Variants in GFRA1 observed in about 807,000 individuals in gnomAD.
GFRA1 encodes the protein GDNF family receptor alpha-1.
GFRA1 carries 16 observed loss-of-function variants against 51.6 expected under a neutral mutation model. The observed-to-expected ratio is 0.31, with a 90% CI of 0.21 to 0.47. The LOEUF (loss-of-function observed/expected upper bound fraction) is 0.47, where lower values mean the gene tolerates loss of function less well. Ranked by LOEUF, GFRA1 falls within the 20% of genes least tolerant of loss-of-function variation. The probability of loss-of-function intolerance (pLI) is 1.00; values close to 1 mark genes in which losing one functional copy is unlikely to be tolerated. For synonymous variants in GFRA1, 270 were observed against 241.3 expected (o/e 1.12, Z -1.10); for missense variants, 530 against 594.3 (o/e 0.89, Z 1.13).
Position 116,125,522 on chromosome 10 carries a change from C to A in GFRA1, c.469G>T (p.Ala157Ser). ...HIPKGNNCLD[A>S]AKACNLDDIC... ...TCGTCGAGGTTGCAGGCCTTCGCTG[C>A]ATCCAGGCAGTTGTTCCCTTTGGGA... Residue 157 changes from alanine to serine, a missense_variant, in exon 6 of 11, where the codon GCA becomes TCA. By Grantham distance (99) the Ala-to-Ser change is moderately conservative. Transcript: ENST00000355422. 6.2e-7 allele frequency: 1 copy of A among 1,614,106 alleles called. No individual in the cohort carries two copies. Among genetic ancestry groups the A allele is most frequent in the Non-Finnish European group, 8.5e-7 (1 of 1,180,004 alleles).
intron 6 of GFRA1, among the ~76,000 whole-genome samples, chr10:116,124,063 C>T (rs114475346): frequency 0.015 from 2,309 of 152,132 alleles, 59 homozygotes; most frequent in African/African-American, 0.053. Flanking sequence ...CACTACCACG[C>T]CTGGCTATTG....
At chr10:116,107,863 T>C (rs891243917) in intron 6 of GFRA1, among the ~76,000 whole-genome samples, 5 of 152,186 alleles carry the variant, frequency 3.3e-5, no homozygotes, top group Non-Finnish European at 7.3e-5. Flanking sequence ...TCTTTGGAGG[T>C]TCCCAGAATA....
chr10:116,206,121 A>G (rs1964735711), intron 5 of GFRA1, among the ~76,000 whole-genome samples: 1 of 152,164 alleles, frequency 6.6e-6, no homozygotes, highest in South Asian at 2.1e-4. Flanking sequence ...TTTCCACCAT[A>G]AAAGTGTTCA....
Position 116,064,520 on chromosome 10 carries a change from C to G in GFRA1, c.1276G>C (p.Gly426Arg). The change falls in exon 11 of 11, where the codon GGT (glycine) becomes CGT (arginine). Residue 426 changes from glycine (G) to arginine (R), a missense_variant. Transcript: ENST00000355422. ...SNGNYEKEGL[G>R]ASSHITTKSM... ...TTTGTGGTTATGTGGCTGGAAGCAC[C>G]GAGACCTTCTTTTTCATAATTACCC... The G allele has an allele frequency of 1.2e-6, 2 of 1,613,284 alleles. No homozygotes were observed. The highest frequency in any genetic ancestry group is 1.7e-6 in the Non-Finnish European group (2 of 1,179,518).
At chr10:116,256,441 C>T (rs1968863344) in intron 4 of GFRA1, among the ~76,000 whole-genome samples, 1 of 152,176 alleles carries the variant, frequency 6.6e-6, no homozygotes, top group African/African-American at 2.4e-5. Flanking sequence ...CTAAAAAGGG[C>T]AGCACCACCT....
intron 4 of GFRA1, among the ~76,000 whole-genome samples, chr10:116,267,761 C>T (rs11197615): frequency 0.066 from 10,115 of 152,176 alleles, 531 homozygotes; most frequent in East Asian, 0.28. Context: ...TGGTCACATA[C>T]GTTTGTCTGT....
chr10:116,233,976 T>G (rs1966838844), intron 4 of GFRA1, among the ~76,000 whole-genome samples: 1 of 152,204 alleles, frequency 6.6e-6, no homozygotes, highest in Non-Finnish European at 1.5e-5. Context: ...ATCAATTCAC[T>G]TTTGGATATG....
intron 10 of GFRA1, among the ~76,000 whole-genome samples, chr10:116,065,314 CAG>C (rs996159149): frequency 6.6e-6 from 1 of 152,174 alleles, no homozygotes; most frequent in African/African-American, 2.4e-5. Flanking sequence ...ACTGTGATCA[CAG>C]AGAGGCTCAG....
In GFRA1 at chr10:116,162,357, T is replaced by A. The variant is rs769434093; in HGVS notation, c.434-36800A>T. Among the ~76,000 whole-genome samples, 99 of 152,186 alleles carry A rather than the reference T, an allele frequency of 6.5e-4. 1 individual carries two copies. The highest frequency in any genetic ancestry group is 1.8e-4 in the Non-Finnish European group (12 of 68,042). On this transcript the variant is annotated intron_variant, in intron 5 of 10. Coordinates refer to ENST00000355422, the MANE Select transcript of GFRA1 (RefSeq NM_005264.8). ...AGTCTCAGAGTCCAGGGGATGTATC[T>A]CGCCACAGGCCAAAGCCATGTTAAT...
At chr10:116,085,292 T>C (rs1382850240) in intron 9 of GFRA1, among the ~76,000 whole-genome samples, 1 of 152,216 alleles carries the variant, frequency 6.6e-6, no homozygotes, top group African/African-American at 2.4e-5. Flanking sequence ...CTATCTCAAA[T>C]GTTAAGACTG....
intron 4 of GFRA1, among the ~76,000 whole-genome samples, chr10:116,224,044 A>G (rs1263858607): frequency 6.6e-6 from 1 of 152,188 alleles, no homozygotes; most frequent in East Asian, 1.9e-4. Flanking sequence ...TCACTAGGCA[A>G]TCGAACCTGC....
intron 8 of GFRA1, among the ~76,000 whole-genome samples, chr10:116,092,095 G>A (rs370195417): frequency 6.9e-4 from 25 of 36,078 alleles, no homozygotes; most frequent in Admixed American, 2.2e-3. Flanking sequence ...ACATACATAC[G>A]TACACACACA....
Position 116,220,162 on chromosome 10 carries a change from T to C in GFRA1, c.419-8517A>G, listed in dbSNP as rs73372484. Among the ~76,000 whole-genome samples, 599 of 152,354 alleles carry C rather than the reference T, an allele frequency of 3.9e-3. 3 individuals are homozygous for C. Among genetic ancestry groups the C allele is most frequent in the African/African-American group, 0.013 (525 of 41,586 alleles). On this transcript the variant is annotated intron_variant, in intron 4 of 10. Transcript: ENST00000355422. ...CCACAAACACATCCATAATACAGCC[T>C]GTGATTTCAAATTTATTCCAAGATA...
chr10:116,238,019 A>G (rs1439045729), intron 4 of GFRA1, among the ~76,000 whole-genome samples: 1 of 152,180 alleles, frequency 6.6e-6, no homozygotes, highest in African/African-American at 2.4e-5. Flanking sequence ...TCGACCAAGC[A>G]GACTCTGAAA....
At chr10:116,090,432 TA>T (rs35493394) in intron 8 of GFRA1, among the ~76,000 whole-genome samples, 12,212 of 121,048 alleles carry the variant, frequency 0.1, 526 homozygotes, top group Middle Eastern at 0.16. Flanking sequence ...CCAGTTTCTT[TA>T]AAAAAAAAAA....
At chr10:116,233,086 G>A (rs71472884) in intron 4 of GFRA1, among the ~76,000 whole-genome samples, 1 of 152,182 alleles carries the variant, frequency 6.6e-6, no homozygotes, top group Non-Finnish European at 1.5e-5. Context: ...CAGCACTGTA[G>A]GAGGCCGAGG....
chr10:116,196,734 A>AATATATAG (rs1963891649), intron 5 of GFRA1, among the ~76,000 whole-genome samples: 10 of 99,690 alleles, frequency 1.0e-4, no homozygotes, highest in African/African-American at 3.5e-4. Flanking sequence ...ATAATATATA[A>AATATATAG]TACTATATAT....
intron 5 of GFRA1, among the ~76,000 whole-genome samples, chr10:116,148,138 G>A (rs1036134095): frequency 1.4e-5 from 2 of 144,154 alleles, no homozygotes; most frequent in Non-Finnish European, 3.1e-5. Context: ...GGGGTGGGGG[G>A]TAGGGACTGT....
chr10:116,083,460 A>T (rs146011356), intron 9 of GFRA1, among the ~76,000 whole-genome samples: 61 of 152,370 alleles, frequency 4.0e-4, no homozygotes, highest in African/African-American at 1.1e-3. Context: ...ATAAATTGCA[A>T]GAAAAACATT....
Sources: allele counts gnomAD v4.1 joint callset (sites outside exome capture counted in the v4.1 genomes callset), GRCh38; gene constraint gnomAD v4.1.1; transcripts MANE v1.5; gene names NCBI Gene and HGNC (gene_info 2026-07-23, HGNC 2026-07-21).